Variants in ZNF143 observed in about 807,000 individuals in gnomAD.
ZNF143 encodes the protein SPH-binding factor.
In ZNF143, 49 loss-of-function variants were observed where a neutral mutation model predicts 74.1. That is an observed-to-expected ratio of 0.66 (90% CI 0.53 to 0.84). The LOEUF is 0.84. Ranked by LOEUF, ZNF143 falls within the 40% of genes least tolerant of loss-of-function variation. The pLI is 0.00. For synonymous variants in ZNF143, 304 were observed against 282.8 expected (o/e 1.07, Z -0.75); for missense variants, 637 against 793.4 (o/e 0.80, Z 2.37).
At chr11:9,470,821 C>T (rs1440549063) in intron 1 of ZNF143, among the ~76,000 whole-genome samples, 2 of 151,994 alleles carry the variant, frequency 1.3e-5, no homozygotes, top group Non-Finnish European at 2.9e-5. Context: ...AATGGAGAAG[C>T]AGGGAAATAA....
At position 9,497,672 on chromosome 11, in the gene ZNF143, A is replaced by G; in HGVS notation, c.842-3A>G. On this transcript the variant is annotated splice_region_variant and splice_polypyrimidine_tract_variant and intron_variant, in intron 9 of 15. Coordinates refer to ENST00000396602, the MANE Select transcript of ZNF143 (RefSeq NM_003442.6). ...TTAAATTTCTTTTAATTTTTTCTTA[A>G]AGGTTATGGATTAAAAAGTCACGTC... 1 of 1,584,898 alleles carries G rather than the reference A, an allele frequency of 6.3e-7. No individual in the cohort carries two copies. Among genetic ancestry groups the G allele is most frequent in the Non-Finnish European group, 8.6e-7 (1 of 1,164,446 alleles).
intron 9 of ZNF143, 140 bp downstream of exon 9, chr11:9,496,518 C>T: frequency 1.4e-6 from 1 of 693,226 alleles, no homozygotes; most frequent in South Asian, 1.7e-5. Context: ...TCATAACTGC[C>T]TTTCGTCCTG....
At chr11:9,514,459 A>G (rs75967552) in intron 13 of ZNF143, among the ~76,000 whole-genome samples, 2,780 of 152,306 alleles carry the variant, frequency 0.018, 71 homozygotes, top group African/African-American at 0.063. Flanking sequence ...TGTTGGAATC[A>G]CAGGAAGGGC....
chr11:9,507,776 A>G (rs4910471), intron 11 of ZNF143, among the ~76,000 whole-genome samples: 7,680 of 152,244 alleles, frequency 0.05, 266 homozygotes, highest in Non-Finnish European at 0.075. Context: ...ATATTTTTTA[A>G]ACTGGGACCC....
rs33968880 is a variant in ZNF143 at position 9,469,215 on chromosome 11, C to CTTTTTTT, written c.-7-2070_-7-2064dup. On this transcript the variant is annotated intron_variant, in intron 1 of 15. Coordinates refer to ENST00000396602, the MANE Select transcript of ZNF143 (RefSeq NM_003442.6). ...TGCTAATTTTATTCTCAGCAGGGGT[C>CTTTTTTT]TTTTTTTTTTTTTTTTTTTTTTTAC... Among the ~76,000 whole-genome samples, 175 of 97,462 alleles carry CTTTTTTT rather than the reference C, an allele frequency of 1.8e-3. 2 individuals carry two copies. Among genetic ancestry groups the CTTTTTTT allele is most frequent in the Non-Finnish European group, 2.4e-3 (125 of 51,162 alleles). 63.9% of individuals were successfully genotyped at this position (97,462 alleles called of 152,430 possible).
chr11:9,486,412 A>AATTT (rs1847519050), intron 7 of ZNF143, among the ~76,000 whole-genome samples: 1 of 19,326 alleles, frequency 5.2e-5, no homozygotes, highest in Non-Finnish European at 1.0e-4. Context: ...TTATATATAT[A>AATTT]ATATATATTA....
intron 14 of ZNF143, among the ~76,000 whole-genome samples, chr11:9,522,610 C>T (rs1248916957): frequency 2.0e-5 from 3 of 152,218 alleles, no homozygotes; most frequent in Non-Finnish European, 4.4e-5. Context: ...TCTCCTGCCT[C>T]AGCCTCCCAA....
At chr11:9,521,195 T>C (rs922997554) in intron 14 of ZNF143, among the ~76,000 whole-genome samples, 106 of 152,180 alleles carry the variant, frequency 7.0e-4, no homozygotes, top group African/African-American at 2.4e-3. Flanking sequence ...ACTGTTAGTG[T>C]TGTACATTCT....
Position 9,525,322 on chromosome 11 carries a change from TAACCACAGA to T in ZNF143, c.1775_1783del (p.Thr592_Thr594del), listed in dbSNP as rs1217602623. The T allele has an allele frequency of 6.2e-7, 1 of 1,614,218 alleles. No individual in the cohort carries two copies. Among genetic ancestry groups the T allele is most frequent in the Admixed American group, 1.7e-5 (1 of 60,020 alleles). ...CACCAGCAGCATAGCCATCACTTAG[TAACCACAGA>T]AACCAGACCTCTGACCTTAGTAGCA... On this transcript the variant is annotated inframe_deletion, in exon 15 of 16. Coordinates refer to ENST00000396602, the MANE Select transcript of ZNF143 (RefSeq NM_003442.6).
chr11:9,462,929 C>A (rs1471132192), intron 1 of ZNF143, among the ~76,000 whole-genome samples: 2 of 152,124 alleles, frequency 1.3e-5, no homozygotes, highest in Non-Finnish European at 2.9e-5. Flanking sequence ...TCACTACAAT[C>A]AATTTAGCAA....
At chr11:9,479,369 C>A in intron 6 of ZNF143, 103 bp from the exon 7 acceptor site, 1 of 850,004 alleles carries the variant, frequency 1.2e-6, no homozygotes, top group Non-Finnish European at 1.7e-6. Context: ...ACTTTTTTTT[C>A]TTTTTCTTTT....
At chr11:9,498,044 A>G (rs909216142) in intron 10 of ZNF143, among the ~76,000 whole-genome samples, 5 of 151,900 alleles carry the variant, frequency 3.3e-5, no homozygotes, top group Non-Finnish European at 5.9e-5. Flanking sequence ...GTTAGCCAGG[A>G]TGGTCTCAAT....
intron 7 of ZNF143, among the ~76,000 whole-genome samples, chr11:9,485,092 C>T (rs906095783): frequency 1.3e-5 from 2 of 150,538 alleles, no homozygotes; most frequent in African/African-American, 2.5e-5. Context: ...CCACCGCGCC[C>T]GGCCGCCAAA....
chr11:9,512,835 G>A (rs1472573788), intron 13 of ZNF143, among the ~76,000 whole-genome samples: 2 of 152,128 alleles, frequency 1.3e-5, no homozygotes, highest in South Asian at 4.1e-4. Context: ...AGATGATAAA[G>A]GTCAGCCACA....
chr11:9,482,625 G>C (rs1157807733), intron 7 of ZNF143, among the ~76,000 whole-genome samples: 1 of 149,896 alleles, frequency 6.7e-6, no homozygotes, highest in Non-Finnish European at 1.5e-5. Context: ...ATTGGTACCA[G>C]TAGACAAATA....
intron 15 of ZNF143, among the ~76,000 whole-genome samples, chr11:9,526,934 C>A (rs1849150695): frequency 6.6e-6 from 1 of 152,210 alleles, no homozygotes; most frequent in African/African-American, 2.4e-5. Flanking sequence ...ATGCCATTCT[C>A]CTCCCTCAGC....
At position 9,464,501 on chromosome 11, in the gene ZNF143, T is replaced by A. The variant is rs192275811; in HGVS notation, c.-8+3425T>A. Among the ~76,000 whole-genome samples the A allele has an allele frequency of 4.9e-3, 748 of 152,212 alleles. 6 individuals are homozygous for A. Among genetic ancestry groups the A allele is most frequent in the African/African-American group, 0.017 (718 of 41,550 alleles). On this transcript the variant is annotated intron_variant, in intron 1 of 15. Transcript: ENST00000396602. ...CTTTAATCCCAGCTACTCGGGAGGC[T>A]GAGGCAGGAGAATCTCTTGAACCTG...
At chr11:9,495,987 A>G (rs1847944456) in intron 8 of ZNF143, among the ~76,000 whole-genome samples, 1 of 152,152 alleles carries the variant, frequency 6.6e-6, no homozygotes, top group Non-Finnish European at 1.5e-5. Context: ...TACATTGTGT[A>G]GTCTCTCCCA....
At chr11:9,474,201 T>C (rs1473108175) in intron 4 of ZNF143, among the ~76,000 whole-genome samples, 177 bp downstream of exon 4, 1 of 152,186 alleles carries the variant, frequency 6.6e-6, no homozygotes, top group Non-Finnish European at 1.5e-5. Flanking sequence ...GTAAAGATAA[T>C]GGAAAAGAAG....
Sources: allele counts gnomAD v4.1 joint callset (sites outside exome capture counted in the v4.1 genomes callset), GRCh38; gene constraint gnomAD v4.1.1; transcripts MANE v1.5; gene names NCBI Gene and HGNC (gene_info 2026-07-23, HGNC 2026-07-21).